NEXMIF: variants seen among roughly 807,000 people sequenced by gnomAD.
NEXMIF encodes the protein neurite extension and migration factor.
In NEXMIF, 8 loss-of-function variants were observed where a neutral mutation model predicts 62.1. The ratio of observed to expected loss-of-function variants is 0.13; its 90% confidence interval spans 0.08 to 0.23. The LOEUF (loss-of-function observed/expected upper bound fraction) is 0.23. Among genes scored for constraint, NEXMIF ranks in the 10% least tolerant of loss-of-function variants. The pLI, the probability that NEXMIF is intolerant of heterozygous loss-of-function variation, is 1.00. For missense variants in NEXMIF, 976 were observed against 1,113.3 expected, an observed-to-expected ratio of 0.88 and a Z score of 1.75; for synonymous variants, 404 against 416.6, an observed-to-expected ratio of 0.97 and a Z score of 0.37.
At chrX:74,817,878 A>G (rs765673142) in intron 1 of NEXMIF, among the ~76,000 whole-genome samples, 211 of 111,310 alleles carry the variant, frequency 1.9e-3, no homozygotes, top group African/African-American at 6.5e-3. Context: ...TTAATAAAAT[A>G]CTTAGGAATA....
At chrX:74,821,963 C>T (rs1290513002) in intron 1 of NEXMIF, among the ~76,000 whole-genome samples, 1 of 111,600 alleles carries the variant, frequency 9.0e-6, no homozygotes, top group African/African-American at 3.3e-5. Flanking sequence ...GTAGCTCAGG[C>T]AGGTCTGGAA....
chrX:74,831,725 C>T (rs908584140), intron 1 of NEXMIF, among the ~76,000 whole-genome samples: 1 of 111,473 alleles, frequency 9.0e-6, no homozygotes, highest in African/African-American at 3.3e-5. Context: ...CAGTTTTATC[C>T]CATTCATTAT....
At chrX:74,864,618 C>T (rs890510058) in intron 1 of NEXMIF, among the ~76,000 whole-genome samples, 4 of 112,383 alleles carry the variant, frequency 3.6e-5, no homozygotes, top group Non-Finnish European at 7.5e-5. Flanking sequence ...TCCTCCTTTG[C>T]CTTCCACTAT....
chrX:74,814,661 G>A (rs1160523884), intron 1 of NEXMIF, among the ~76,000 whole-genome samples: 2 of 111,904 alleles, frequency 1.8e-5, no homozygotes, highest in Admixed American at 9.5e-5. Context: ...TGACACAAGC[G>A]AATTGGCCAA....
At chrX:74,877,892 C>G (rs1440792067) in intron 1 of NEXMIF, among the ~76,000 whole-genome samples, 1 of 111,567 alleles carries the variant, frequency 9.0e-6, no homozygotes, top group African/African-American at 3.3e-5. Flanking sequence ...ATACATTCTT[C>G]TAAATTGTTT....
rs1488467071 is a variant in NEXMIF at position 74,742,700 on chromosome X, C to T, written c.1857G>A (p.Val619=). 8.3e-7 allele frequency: 1 copy of T among 1,210,831 alleles called. No individual in the cohort carries two copies. Among genetic ancestry groups the T allele is most frequent in the South Asian group, 1.8e-5 (1 of 56,844 alleles). ...KQSFEPGSFE[V]SFLPPARKRK... ...GTTTGCGAGCAGGTGGCAGAAATGACACCTCAAAGCTACCTGGTTCAAAGC... is the reference window on the plus strand; with the variant it reads ...GTTTGCGAGCAGGTGGCAGAAATGATACCTCAAAGCTACCTGGTTCAAAGC... The change falls in exon 3 of 4, where the codon GTG becomes GTA. Residue 619 remains valine, a synonymous_variant. Transcript: ENST00000055682.
intron 1 of NEXMIF, among the ~76,000 whole-genome samples, chrX:74,900,837 C>T (rs2080747394): frequency 8.9e-6 from 1 of 112,231 alleles, no homozygotes; most frequent in Admixed American, 9.4e-5. Context: ...GAAGTAAATT[C>T]TGACACATGC....
intron 1 of NEXMIF, among the ~76,000 whole-genome samples, chrX:74,846,768 C>T (rs2080493174): frequency 8.9e-6 from 1 of 111,839 alleles, no homozygotes; most frequent in African/African-American, 3.3e-5. Context: ...ATATTGGGCA[C>T]ATACCCATAT....
At chrX:74,889,207 T>C (rs993749490) in intron 1 of NEXMIF, among the ~76,000 whole-genome samples, 1 of 111,640 alleles carries the variant, frequency 9.0e-6, no homozygotes, top group Non-Finnish European at 1.9e-5. Context: ...CAAAGTAGAA[T>C]GGTAGAAACA....
chrX:74,850,775 T>C (rs1386337220), intron 1 of NEXMIF, among the ~76,000 whole-genome samples: 1 of 110,648 alleles, frequency 9.0e-6, no homozygotes, highest in East Asian at 2.8e-4. Flanking sequence ...GCACACCAGA[T>C]GTGCAGATAT....
chrX:74,747,850 A>G (rs2080130456), intron 1 of NEXMIF, among the ~76,000 whole-genome samples: 1 of 111,644 alleles, frequency 9.0e-6, no homozygotes, highest in Non-Finnish European at 1.9e-5. Context: ...TCCTGATCTC[A>G]AGCGATCCAA....
chrX:74,888,661 T>C (rs1232964108), intron 1 of NEXMIF, among the ~76,000 whole-genome samples: 1 of 110,538 alleles, frequency 9.0e-6, no homozygotes, highest in African/African-American at 3.3e-5. Context: ...CTGCACCCTC[T>C]GCACATGTAT....
In NEXMIF at chrX:74,897,517, T is replaced by C. The variant is rs759933401; in HGVS notation, c.-48+27366A>G. On this transcript the variant is annotated intron_variant, in intron 1 of 3. Coordinates refer to ENST00000055682, the MANE Select transcript of NEXMIF (RefSeq NM_001008537.3). ...TAGAAGAACTACCTTTGATTTCTCT[T>C]AAATTTTATAATTGTTGTGGAGGGT... Among the ~76,000 whole-genome samples, 297 of 111,943 alleles carry C rather than the reference T, an allele frequency of 2.7e-3. 1 individual carries two copies. Among genetic ancestry groups the C allele is most frequent in the Non-Finnish European group, 4.8e-3 (256 of 53,181 alleles).
intron 1 of NEXMIF, among the ~76,000 whole-genome samples, chrX:74,755,606 A>C (rs1056214313): frequency 9.0e-6 from 1 of 111,704 alleles, no homozygotes; most frequent in African/African-American, 3.3e-5. Context: ...TGATCACTCC[A>C]TGAAGATAAG....
intron 1 of NEXMIF, among the ~76,000 whole-genome samples, chrX:74,842,899 G>A (rs1037336136): frequency 1.8e-5 from 2 of 112,017 alleles, no homozygotes; most frequent in African/African-American, 6.5e-5. Flanking sequence ...TAATTATGTG[G>A]TCAGTTTTAG....
rs770681599 is a variant in NEXMIF, at chrX:74,741,179, C to T, written c.3378G>A (p.Glu1126=). The T allele has an allele frequency of 9.1e-6, 11 of 1,209,247 alleles. No homozygotes were observed. In the Admixed American group the frequency reaches 2.4e-4, roughly 26 times the overall value. Residue 1126 remains glutamate, a synonymous_variant, in exon 3 of 4, where the codon GAG becomes GAA. Transcript: ENST00000055682. Reference sequence around the variant, plus strand: ...GGTGATTATTTAAAGTAAATCCATCCTCCATTTGGACCTGCCGTGAAAGGG... The same window carrying T: ...GGTGATTATTTAAAGTAAATCCATCTTCCATTTGGACCTGCCGTGAAAGGG... ...CSTLSRQVQM[E]DGFTLNNHQF...
At chrX:74,879,622 C>G (rs2080654726) in intron 1 of NEXMIF, among the ~76,000 whole-genome samples, 1 of 111,815 alleles carries the variant, frequency 8.9e-6, no homozygotes, top group South Asian at 3.7e-4. Flanking sequence ...AAGACCACTC[C>G]CATTTCAAGA....
At chrX:74,871,017 C>T (rs2080598600) in intron 1 of NEXMIF, among the ~76,000 whole-genome samples, 1 of 111,905 alleles carries the variant, frequency 8.9e-6, no homozygotes, top group African/African-American at 3.2e-5. Flanking sequence ...TATTGGTACT[C>T]CTGTGTTTAT....
intron 1 of NEXMIF, among the ~76,000 whole-genome samples, chrX:74,847,777 T>C (rs952094630): frequency 3.6e-5 from 4 of 111,533 alleles, no homozygotes; most frequent in Non-Finnish European, 3.8e-5. Context: ...AAAGTATCCA[T>C]GTCAACTCAA....
Sources: allele counts gnomAD v4.1 joint callset (sites outside exome capture counted in the v4.1 genomes callset), GRCh38; gene constraint gnomAD v4.1.1; transcripts MANE v1.5; gene names NCBI Gene and HGNC (gene_info 2026-07-23, HGNC 2026-07-21).